The following DCHS2 variants were observed in gnomAD, a reference collection of about 807,000 sequenced individuals.
The protein encoded by DCHS2 is protocadherin-23.
DCHS2 carries 142 observed loss-of-function variants against 182.4 expected under a neutral mutation model. That is an observed-to-expected ratio of 0.78 (90% CI 0.68 to 0.89). DCHS2 has a LOEUF of 0.89. Among genes scored for constraint, DCHS2 ranks in the 40% least tolerant of loss-of-function variants. DCHS2 has a pLI of 0.00. For missense variants in DCHS2, 4,319 were observed against 4,198.6 expected (o/e 1.03, Z -0.79); for synonymous variants, 1,740 against 1,663.3 (o/e 1.05, Z -1.12).
chr4:154,454,953 C>T (rs1734703470), intron 1 of DCHS2, among the ~76,000 whole-genome samples: 1 of 152,176 alleles, frequency 6.6e-6, no homozygotes, highest in Non-Finnish European at 1.5e-5. Flanking sequence ...CTAACTATTC[C>T]TTGTCAAAAT....
chr4:154,247,451 G>A lies in DCHS2; in HGVS notation c.6942-4679C>T, dbSNP rs553251690. On this transcript the variant is annotated intron_variant, in intron 16 of 19. Coordinates refer to ENST00000357232, the MANE Select transcript of DCHS2 (RefSeq NM_001358235.2). ...AAGGTCAGGAGTTCGAGACCAGCCT[G>A]GCCAATTTGGTGAAACCCCATCTCT... Among the ~76,000 whole-genome samples, 712 of 151,746 alleles carry A rather than the reference G, an allele frequency of 4.7e-3. 9 individuals are homozygous for A. Among genetic ancestry groups the A allele is most frequent in the African/African-American group, 0.016 (673 of 41,298 alleles).
In DCHS2 at chr4:154,236,011, T is replaced by A. The variant is rs1358794246; in HGVS notation, c.8641A>T (p.Thr2881Ser). 7 of 1,613,946 alleles carry A rather than the reference T, an allele frequency of 4.3e-6. No individual in the cohort carries two copies. Among genetic ancestry groups the A allele is most frequent in the East Asian group, 2.2e-5 (1 of 44,856 alleles). ...AGGGTGAAAAAATACTGATCTTGAG[T>A]GAAAATGGGCTCAAATTCATCTATC... is the stretch of plus-strand genomic sequence containing the variant. The part of the protein sequence containing the change: ...EGIDEFEPIF[T>S]QDQYFFTLPE... Residue 2881 changes from threonine to serine, a missense_variant, in exon 20 of 20, where the codon ACT becomes TCT. By Grantham distance (58) the Thr-to-Ser change is moderately conservative. Transcript: ENST00000357232.
chr4:154,341,234 T>G, intron 3 of DCHS2, among the ~76,000 whole-genome samples: 1 of 151,824 alleles, frequency 6.6e-6, no homozygotes, highest in East Asian at 1.9e-4. Context: ...CCGGGCGTGG[T>G]GGCGGGCGCC....
intron 1 of DCHS2, among the ~76,000 whole-genome samples, chr4:154,476,622 T>C (rs1735694770): frequency 6.6e-6 from 1 of 152,154 alleles, no homozygotes; most frequent in African/African-American, 2.4e-5. Context: ...ATTGAACAAA[T>C]TTTACTTTTA....
At chr4:154,256,157 T>C (rs1007333277) in intron 15 of DCHS2, among the ~76,000 whole-genome samples, 5 of 152,200 alleles carry the variant, frequency 3.3e-5, no homozygotes, top group Non-Finnish European at 5.9e-5. Context: ...TATTTTATTT[T>C]ATTTTTGAGA....
Position 154,463,534 on chromosome 4 carries a change from C to G in DCHS2, c.2052+25770G>C, listed in dbSNP as rs532500557. 5.0e-4 allele frequency among the ~76,000 whole-genome samples: 76 copies of G among 152,152 alleles called. 1 individual carries two copies. The highest frequency in any genetic ancestry group is 3.4e-3 in the Middle Eastern group (1 of 294). ...ACAATTTCAAAACTCTTTAACGAAG[C>G]CTCTTTTCATTGATTTCTTGAAGGA... On this transcript the variant is annotated intron_variant, in intron 1 of 19. Transcript: ENST00000357232.
chr4:154,314,592 A>G (rs538347225), intron 10 of DCHS2, among the ~76,000 whole-genome samples: 2 of 152,220 alleles, frequency 1.3e-5, no homozygotes, highest in Non-Finnish European at 2.9e-5. Context: ...AAAGTATTCA[A>G]ATATTTTATA....
chr4:154,251,818 C>A (rs1175117820), intron 16 of DCHS2, among the ~76,000 whole-genome samples: 2 of 152,166 alleles, frequency 1.3e-5, no homozygotes, highest in Non-Finnish European at 2.9e-5. Flanking sequence ...TGCACCTGGC[C>A]AGGACTCGAT....
At chr4:154,330,990 G>GC (rs1175573237) in intron 5 of DCHS2, among the ~76,000 whole-genome samples, 1 of 152,132 alleles carries the variant, frequency 6.6e-6, no homozygotes, top group Non-Finnish European at 1.5e-5. Flanking sequence ...TCAGGCTGCA[G>GC]CTGGGGATGG....
In DCHS2 at chr4:154,240,798, A is replaced by G. The variant is rs750991446; in HGVS notation, c.7098T>C (p.Thr2366=). 6.2e-7 allele frequency: 1 copy of G among 1,613,794 alleles called. No individual in the cohort carries two copies. Among genetic ancestry groups the G allele is most frequent in the Non-Finnish European group, 8.5e-7 (1 of 1,179,852 alleles). ...AATCCACATCATGAACTGACACATG[A>G]GTCACAATTACACCAGGCAAAGAAT... The part of the protein sequence containing the change: ...TEDSLPGVIV[T]HVSVHDVDLN... The change falls in exon 18 of 20, where the codon ACT becomes ACC. Residue 2366 remains threonine (T), a synonymous_variant. Coordinates refer to ENST00000357232, the MANE Select transcript of DCHS2 (RefSeq NM_001358235.2).
At chr4:154,463,174 TACAC>T (rs59327032) in intron 1 of DCHS2, among the ~76,000 whole-genome samples, 2 of 148,152 alleles carry the variant, frequency 1.3e-5, no homozygotes, top group African/African-American at 4.9e-5. Flanking sequence ...TATATATATA[TACAC>T]ACACACACAC....
At chr4:154,319,134 T>C (rs1735961575) in intron 9 of DCHS2, among the ~76,000 whole-genome samples, 1 of 152,148 alleles carries the variant, frequency 6.6e-6, no homozygotes. Flanking sequence ...GGAAACCAGA[T>C]ATCCACATGC....
chr4:154,323,206 A>G (rs917205813), intron 7 of DCHS2: 2 of 1,550,272 alleles, frequency 1.3e-6, no homozygotes, highest in Non-Finnish European at 8.7e-7. Context: ...TTTTCCTTAA[A>G]TTGGGAGGCA....
At position 154,315,800 on chromosome 4, in the gene DCHS2, G is replaced by T; in HGVS notation, c.5208C>A (p.Asn1736Lys). The change falls in exon 10 of 20, where the codon AAC (asparagine) becomes AAA (lysine). Residue 1736 changes from asparagine (N) to lysine (K), a missense_variant. Physicochemically the swap from Asn to Lys is moderately conservative, Grantham distance 94 (BLOSUM62 0). Transcript: ENST00000357232. ...QHLYEASVKENQNPGEFVTRV... is the reference protein window; with the variant it reads ...QHLYEASVKEKQNPGEFVTRV... ...TGGTAACAAACTCCCCTGGATTTTG[G>T]TTTTCTTTCACTGAGGCTTCATACA... 6.2e-7 allele frequency: 1 copy of T among 1,613,970 alleles called. No individual in the cohort carries two copies.
Position 154,259,553 on chromosome 4 carries a change from C to A in DCHS2, c.6781G>T (p.Val2261Phe). 6.2e-7 allele frequency: 1 copy of A among 1,613,634 alleles called. No individual in the cohort carries two copies. The highest frequency in any genetic ancestry group is 1.1e-5 in the South Asian group (1 of 91,066). ...AAATATATTTCTGTTACCTGTATGA[C>A]ATGAGCATTGTAGAGTTGGCTTTCA... ...VSESQLYNAH[V>F]IQVFATDLDS... is the part of the protein sequence containing the mutation. Residue 2261 changes from valine (V) to phenylalanine (F), a missense_variant, in exon 15 of 20, where the codon GTC (valine) becomes TTC (phenylalanine). Coordinates refer to ENST00000357232, the MANE Select transcript of DCHS2 (RefSeq NM_001358235.2).
intron 13 of DCHS2, among the ~76,000 whole-genome samples, chr4:154,284,798 C>G (rs1734314726): frequency 6.6e-6 from 1 of 152,170 alleles, no homozygotes; most frequent in Non-Finnish European, 1.5e-5. Flanking sequence ...GAAAGTTTGT[C>G]TAGGCCACAA....
intron 1 of DCHS2, among the ~76,000 whole-genome samples, chr4:154,422,079 T>G (rs923747417): frequency 2.0e-5 from 3 of 152,202 alleles, no homozygotes; most frequent in African/African-American, 2.4e-5. Flanking sequence ...TTCTTCCTAC[T>G]TCTCTAAATA....
At chr4:154,455,982 C>G (rs1734748564) in intron 1 of DCHS2, among the ~76,000 whole-genome samples, 1 of 151,932 alleles carries the variant, frequency 6.6e-6, no homozygotes, top group Non-Finnish European at 1.5e-5. Context: ...CCCAGCTACT[C>G]AGGAGGCTGA....
At chr4:154,394,257 A>G (rs112852707) in intron 1 of DCHS2, among the ~76,000 whole-genome samples, 2 of 152,290 alleles carry the variant, frequency 1.3e-5, no homozygotes, top group African/African-American at 4.8e-5. Flanking sequence ...TTGAAATGCA[A>G]TGCACTTAAA....
Sources: gnomAD v4.1 joint callset for allele counts (sites outside exome capture counted in the v4.1 genomes callset) on GRCh38, gnomAD v4.1.1 for gene constraint, MANE v1.5 for transcripts, NCBI Gene and HGNC (gene_info 2026-07-23, HGNC 2026-07-21) for gene names.